SMC1B: variants seen among roughly 807,000 people sequenced by gnomAD.
The protein encoded by SMC1B is structural maintenance of chromosomes 1B.
A neutral mutation model predicts 157.9 loss-of-function variants in SMC1B; 60 were observed. The observed-to-expected ratio is 0.38, with a 90% CI of 0.31 to 0.47. The LOEUF is 0.47. Among genes scored for constraint, SMC1B ranks in the 20% least tolerant of loss-of-function variants. SMC1B has a pLI of 0.99. For synonymous variants in SMC1B, 445 were observed against 483.0 expected (o/e 0.92, Z 1.03); for missense variants, 1,165 against 1,426.2 (o/e 0.82, Z 2.95).
At chr22:45,387,263 C>A (rs1289192988) in intron 10 of SMC1B, among the ~76,000 whole-genome samples, 3 of 152,096 alleles carry the variant, frequency 2.0e-5, no homozygotes, top group Non-Finnish European at 4.4e-5. Flanking sequence ...GCCTGGCCAA[C>A]ATGGTGAAAC....
At chr22:45,394,163 CA>C (rs796952190) in intron 8 of SMC1B, among the ~76,000 whole-genome samples, 146 of 141,030 alleles carry the variant, frequency 1.0e-3, no homozygotes, top group Admixed American at 8.5e-4. Context: ...CTACAAAATA[CA>C]AAAAAAAAAA....
At chr22:45,404,256 C>A (rs1175270718) in intron 4 of SMC1B, among the ~76,000 whole-genome samples, 1 of 152,256 alleles carries the variant, frequency 6.6e-6, no homozygotes, top group East Asian at 1.9e-4. Flanking sequence ...GGGTTTTATT[C>A]ACCCTATATC....
chr22:45,371,304 C>G (rs1396390485), intron 14 of SMC1B, among the ~76,000 whole-genome samples, 167 bp downstream of exon 14: 2 of 152,118 alleles, frequency 1.3e-5, no homozygotes, highest in Non-Finnish European at 2.9e-5. Context: ...TCAAAAAACA[C>G]AAGGAAAATT....
Position 45,389,810 on chromosome 22 carries a change from T to C in SMC1B, c.1633A>G (p.Ile545Val). The C allele has an allele frequency of 6.2e-7, 1 of 1,614,090 alleles. No homozygotes were observed. Among genetic ancestry groups the C allele is most frequent in the Non-Finnish European group, 8.5e-7 (1 of 1,179,968 alleles). The change falls in exon 10 of 25, where the codon ATT (isoleucine) becomes GTT (valine). Residue 545 changes from isoleucine to valine, a missense_variant. Ile to Val is a conservative substitution (Grantham distance 29, BLOSUM62 3). Transcript: ENST00000357450. ...GCTACCTTTTCAGAGGCTACAACAA[T>C]GGCAGTGATGAACCGGCCAAAAACC... is the stretch of plus-strand genomic sequence containing the variant. ...TKVFGRFITA[I>V]VVASEKVAKD...
intron 14 of SMC1B, among the ~76,000 whole-genome samples, chr22:45,371,155 T>G (rs1419811849): frequency 6.6e-6 from 1 of 152,188 alleles, no homozygotes; most frequent in Non-Finnish European, 1.5e-5. Flanking sequence ...ATAAGCTGAA[T>G]GACAGTTCTT....
At chr22:45,360,091 C>T in intron 17 of SMC1B, 133 bp from the exon 18 acceptor site, 4 of 653,608 alleles carry the variant, frequency 6.1e-6, no homozygotes, top group Non-Finnish European at 1.0e-5. Flanking sequence ...TTCTAGAATC[C>T]TCTCATTGAT....
Position 45,353,274 on chromosome 22 carries a change from AAAAG to A in SMC1B, c.3274-676_3274-673del, listed in dbSNP as rs1399848387. Among the ~76,000 whole-genome samples the A allele has an allele frequency of 5.0e-3, 541 of 109,204 alleles. 2 individuals carry two copies. Among genetic ancestry groups the A allele is most frequent in the Non-Finnish European group, 7.3e-3 (403 of 55,004 alleles). The allele number at this position is 109,204 out of a possible 152,430, so 71.6% of individuals were successfully genotyped here. On this transcript the variant is annotated intron_variant, in intron 21 of 24. Transcript: ENST00000357450. ...GAAACTCTGTCTCAAAAAAAAAAAA[AAAAG>A]AAAGAAAGAAAGAAAAAAAAAAAGG...
At chr22:45,410,931 G>A (rs1433031510) in intron 1 of SMC1B, among the ~76,000 whole-genome samples, 3 of 152,138 alleles carry the variant, frequency 2.0e-5, no homozygotes, top group Non-Finnish European at 4.4e-5. Context: ...CACATTGAGG[G>A]CTATTGTAAG....
At chr22:45,346,184 G>A (rs1395547594) in intron 23 of SMC1B, among the ~76,000 whole-genome samples, 1 of 152,184 alleles carries the variant, frequency 6.6e-6, no homozygotes. Context: ...CAGGCTGGGC[G>A]ACAGAGTGAA....
chr22:45,368,446 T>C lies in SMC1B; in HGVS notation c.2420+1508A>G, dbSNP rs573648126. Among the ~76,000 whole-genome samples the C allele has an allele frequency of 1.3e-5, 2 of 152,284 alleles. 1 individual carries two copies. Among genetic ancestry groups the C allele is most frequent in the South Asian group, 4.1e-4 (2 of 4,826 alleles). On this transcript the variant is annotated intron_variant, in intron 15 of 24. Coordinates refer to ENST00000357450, the MANE Select transcript of SMC1B (RefSeq NM_148674.5). ...GTTTCTTATTGTATGTATACTTTTT[T>C]GAATTTTGGAATCAGTATTATGTTC...
intron 23 of SMC1B, among the ~76,000 whole-genome samples, chr22:45,348,046 C>T (rs533792174): frequency 1.4e-4 from 22 of 152,220 alleles, no homozygotes; most frequent in Non-Finnish European, 1.9e-4. Context: ...ACCCCACTCT[C>T]ATGTCCAAAA....
intron 19 of SMC1B, among the ~76,000 whole-genome samples, chr22:45,355,744 C>T (rs949495056): frequency 6.6e-6 from 1 of 152,120 alleles, no homozygotes; most frequent in Non-Finnish European, 1.5e-5. Context: ...CACGCCCTTC[C>T]AGAAGCTTTT....
chr22:45,352,341 G>A, intron 22 of SMC1B, 110 bp downstream of exon 22: 1 of 976,922 alleles, frequency 1.0e-6, no homozygotes, highest in African/African-American at 1.6e-5. Flanking sequence ...AGATAGTTTT[G>A]TATCTCATTT....
intron 9 of SMC1B, among the ~76,000 whole-genome samples, chr22:45,390,358 TGACA>T (rs2087042943): frequency 6.6e-6 from 1 of 152,232 alleles, no homozygotes; most frequent in East Asian, 1.9e-4. Context: ...AGCTAGACAC[TGACA>T]GAGAGTGCTC....
At chr22:45,412,322 T>TGG (rs1486782673) in intron 1 of SMC1B, among the ~76,000 whole-genome samples, 1 of 151,762 alleles carries the variant, frequency 6.6e-6, no homozygotes, top group East Asian at 1.9e-4. Context: ...TGCCTCAGCC[T>TGG]CCTCAGTAGC....
intron 17 of SMC1B, among the ~76,000 whole-genome samples, chr22:45,361,345 G>A (rs2086719784): frequency 6.6e-6 from 1 of 152,202 alleles, no homozygotes; most frequent in African/African-American, 2.4e-5. Flanking sequence ...AGGAGCAGTG[G>A]CTCACGCCTA....
At chr22:45,359,659 G>A (rs897372954) in intron 18 of SMC1B, 146 bp downstream of exon 18, 2 of 729,350 alleles carry the variant, frequency 2.7e-6, no homozygotes, top group Non-Finnish European at 2.2e-6. Context: ...AGTCCTCTGA[G>A]ATGACAGTCA....
intron 9 of SMC1B, among the ~76,000 whole-genome samples, chr22:45,390,329 A>C (rs2087042499): frequency 6.6e-6 from 1 of 152,100 alleles, no homozygotes; most frequent in Non-Finnish European, 1.5e-5. Context: ...ATCAATAATC[A>C]CATGTATGTA....
At chr22:45,401,010 G>A (rs897888144) in intron 5 of SMC1B, among the ~76,000 whole-genome samples, 1 of 152,130 alleles carries the variant, frequency 6.6e-6, no homozygotes, top group African/African-American at 2.4e-5. Context: ...CAGCTAAAAG[G>A]TGCCTAAGGA....
Sources: allele counts gnomAD v4.1 joint callset (sites outside exome capture counted in the v4.1 genomes callset), GRCh38; gene constraint gnomAD v4.1.1; transcripts MANE v1.5; gene names NCBI Gene and HGNC (gene_info 2026-07-23, HGNC 2026-07-21).